CSMD1: variants seen among roughly 807,000 people sequenced by gnomAD.
The protein encoded by CSMD1 is CUB and Sushi multiple domains 1, also known as CUB and sushi domain-containing protein 1.
Under a neutral mutation model 417.5 loss-of-function variants are expected in CSMD1, and 213 were observed. The ratio of observed to expected loss-of-function variants is 0.51; its 90% confidence interval spans 0.46 to 0.57. The LOEUF is 0.57. Among genes scored for constraint, CSMD1 ranks in the 20% least tolerant of loss-of-function variants. CSMD1 has a pLI of 0.00. For synonymous variants in CSMD1, 2,862 were observed against 1,736.8 expected, an observed-to-expected ratio of 1.65 and a Z score of -16.11; for missense variants, 6,923 against 4,529.7, an observed-to-expected ratio of 1.53 and a Z score of -15.17.
chr8:4,079,638 C>G (rs1169030616), intron 3 of CSMD1, among the ~76,000 whole-genome samples: 1 of 152,208 alleles, frequency 6.6e-6, no homozygotes, highest in Non-Finnish European at 1.5e-5. Context: ...TAAATTGATA[C>G]ACAGACACAT....
chr8:4,406,485 A>C (rs1388669495), intron 3 of CSMD1, among the ~76,000 whole-genome samples: 2 of 152,222 alleles, frequency 1.3e-5, no homozygotes, highest in African/African-American at 2.4e-5. Flanking sequence ...GGCATTAATT[A>C]GATGGGAACA....
chr8:3,607,453 A>G (rs77067340), intron 8 of CSMD1, among the ~76,000 whole-genome samples: 3,823 of 152,298 alleles, frequency 0.025, 69 homozygotes, highest in Middle Eastern at 0.078. Context: ...AACTACTAAG[A>G]CAGTCATTGA....
At chr8:3,349,304 A>T (rs529929019) in intron 21 of CSMD1, among the ~76,000 whole-genome samples, 2 of 152,222 alleles carry the variant, frequency 1.3e-5, no homozygotes, top group South Asian at 4.2e-4. Context: ...CTCTTTGACA[A>T]CGAACACAAT....
chr8:4,914,230 A>G (rs1441423854), intron 1 of CSMD1, among the ~76,000 whole-genome samples: 3 of 152,168 alleles, frequency 2.0e-5, no homozygotes, highest in Non-Finnish European at 4.4e-5. Context: ...TTACAAAGCT[A>G]TGGAATTATG....
At chr8:3,511,807 C>CA (rs1797083370) in intron 10 of CSMD1, among the ~76,000 whole-genome samples, 1 of 142,632 alleles carries the variant, frequency 7.0e-6, no homozygotes, top group Non-Finnish European at 1.6e-5. Flanking sequence ...CATAACATAA[C>CA]ATAACATAAC....
At chr8:4,135,226 G>A (rs1030093352) in intron 3 of CSMD1, among the ~76,000 whole-genome samples, 1 of 151,972 alleles carries the variant, frequency 6.6e-6, no homozygotes, top group East Asian at 1.9e-4. Context: ...GAATTAAGCT[G>A]TCCCATGGGA....
intron 3 of CSMD1, among the ~76,000 whole-genome samples, chr8:4,062,545 G>C (rs1799030006): frequency 6.6e-6 from 1 of 152,096 alleles, no homozygotes; most frequent in Admixed American, 6.6e-5. Context: ...GCATTGACAT[G>C]AACAACATTT....
chr8:4,453,243 A>T (rs1277497500), intron 2 of CSMD1, among the ~76,000 whole-genome samples: 1 of 145,866 alleles, frequency 6.9e-6, no homozygotes, highest in Non-Finnish European at 1.5e-5. Context: ...ACACACACAC[A>T]CTGAACCTCC....
intron 10 of CSMD1, among the ~76,000 whole-genome samples, chr8:3,570,159 A>G (rs556772879): frequency 1.3e-5 from 2 of 152,358 alleles, no homozygotes; most frequent in Admixed American, 6.5e-5. Context: ...AAGAACATAC[A>G]TCATGAGTTT....
In CSMD1 at chr8:4,805,418, C is replaced by G. The variant is rs143677250; in HGVS notation, c.86-167860G>C. Among the ~76,000 whole-genome samples the G allele has an allele frequency of 4.6e-5, 7 of 152,278 alleles. No homozygotes were observed. The East Asian group carries it at 1.2e-3, about 25-fold the overall frequency. On this transcript the variant is annotated intron_variant, in intron 1 of 69. Coordinates refer to ENST00000635120, the MANE Select transcript of CSMD1 (RefSeq NM_033225.6). ...AAATTATTTCTTGGTCTTCATGTGA[C>G]CGAGTCCTTGCCTACTACAGCCAGG...
intron 2 of CSMD1, among the ~76,000 whole-genome samples, chr8:4,591,756 T>C (rs60103687): frequency 0.031 from 4,676 of 152,224 alleles, 114 homozygotes; most frequent in African/African-American, 0.069. Context: ...GGATAGGATC[T>C]GTTTTGGAAA....
chr8:4,340,969 C>G (rs945871291), intron 3 of CSMD1, among the ~76,000 whole-genome samples: 3 of 152,178 alleles, frequency 2.0e-5, no homozygotes, highest in African/African-American at 4.8e-5. Context: ...GGGTTTATTT[C>G]AAGCTGATGG....
At chr8:3,842,869 T>C (rs1313290887) in intron 5 of CSMD1, among the ~76,000 whole-genome samples, 1 of 152,186 alleles carries the variant, frequency 6.6e-6, no homozygotes, top group Admixed American at 6.5e-5. Context: ...TTAATATCAT[T>C]TGTTTCACAA....
chr8:4,179,658 G>A (rs1490022220), intron 3 of CSMD1, among the ~76,000 whole-genome samples: 14 of 151,948 alleles, frequency 9.2e-5, no homozygotes, highest in East Asian at 7.8e-4. Context: ...AGAATGGGAG[G>A]AAATTTTCGC....
chr8:3,908,621 A>T (rs1808263138), intron 5 of CSMD1, among the ~76,000 whole-genome samples: 1 of 148,664 alleles, frequency 6.7e-6, no homozygotes, highest in Non-Finnish European at 1.5e-5. Flanking sequence ...AACATTGCTT[A>T]AAAAAAAATC....
At chr8:4,284,213 C>A (rs1456209098) in intron 3 of CSMD1, among the ~76,000 whole-genome samples, 1 of 151,928 alleles carries the variant, frequency 6.6e-6, no homozygotes, top group Non-Finnish European at 1.5e-5. Context: ...ACTAAAAATA[C>A]AAAAATTAGC....
chr8:4,740,019 C>T (rs1810504879), intron 1 of CSMD1, among the ~76,000 whole-genome samples: 1 of 152,080 alleles, frequency 6.6e-6, no homozygotes, highest in African/African-American at 2.4e-5. Flanking sequence ...CCCTGAGCTT[C>T]AGCATCCTGG....
intron 1 of CSMD1, among the ~76,000 whole-genome samples, chr8:4,983,811 G>C (rs562293961): frequency 4.2e-4 from 60 of 143,628 alleles, no homozygotes; most frequent in African/African-American, 1.6e-3. Context: ...AAAAAAATTA[G>C]ATCAAGGAGA....
At chr8:3,990,252 A>G (rs1485312921) in intron 5 of CSMD1, among the ~76,000 whole-genome samples, 1 of 152,164 alleles carries the variant, frequency 6.6e-6, no homozygotes, top group Non-Finnish European at 1.5e-5. Context: ...TCCATAAAAG[A>G]CTTCTTTTTT....
Sources: gnomAD v4.1 joint callset for allele counts (sites outside exome capture counted in the v4.1 genomes callset) on GRCh38, gnomAD v4.1.1 for gene constraint, MANE v1.5 for transcripts, NCBI Gene and HGNC (gene_info 2026-07-23, HGNC 2026-07-21) for gene names.